WDFY4: variants seen among roughly 807,000 people sequenced by gnomAD.
The protein encoded by WDFY4 is WDFY family member 4.
Under a neutral mutation model 351.9 loss-of-function variants are expected in WDFY4, and 169 were observed. The ratio of observed to expected loss-of-function variants is 0.48; its 90% CI spans 0.42 to 0.55. The LOEUF (loss-of-function observed/expected upper bound fraction) is 0.55. Ranked by LOEUF, WDFY4 falls within the 20% of genes least tolerant of loss-of-function variation. The pLI, the probability that WDFY4 is intolerant of heterozygous loss-of-function variation, is 0.00. For synonymous variants in WDFY4, 1,622 were observed against 1,574.6 expected (o/e 1.03, Z -0.71); for missense variants, 3,803 against 3,935.6 (o/e 0.97, Z 0.90).
chr10:48,923,020 A>G (rs760229239), intron 47 of WDFY4, among the ~76,000 whole-genome samples: 3 of 152,356 alleles, frequency 2.0e-5, no homozygotes, highest in Non-Finnish European at 4.4e-5. Flanking sequence ...CCAAAAAGGC[A>G]ATTTTACTGC....
At chr10:48,741,631 A>G (rs1212098594) in intron 11 of WDFY4, among the ~76,000 whole-genome samples, 1 of 152,096 alleles carries the variant, frequency 6.6e-6, no homozygotes, top group Non-Finnish European at 1.5e-5. Flanking sequence ...TCCACGTATC[A>G]TACTACAGAC....
At chr10:48,817,497 C>A (rs781338825) in intron 32 of WDFY4, 88 bp downstream of exon 32, 88 of 1,401,064 alleles carry the variant, frequency 6.3e-5, no homozygotes, top group East Asian at 1.0e-4. Context: ...TCCCCTCCCC[C>A]CTAAAATTAA....
intron 47 of WDFY4, among the ~76,000 whole-genome samples, chr10:48,939,233 A>G (rs565264590): frequency 1.3e-5 from 2 of 152,332 alleles, no homozygotes; most frequent in Admixed American, 6.5e-5. Context: ...CCAAGAGTAG[A>G]AAAGAATCTC....
At chr10:48,909,401 A>G (rs548401667) in intron 47 of WDFY4, 3 of 152,326 alleles carry the variant, frequency 2.0e-5, no homozygotes, top group African/African-American at 7.2e-5. Context: ...ATTTTTCTAT[A>G]TAACTTTTTG....
In WDFY4 at chr10:48,959,717, T is replaced by C; in HGVS notation, c.8132-5T>C. ...CAAATCTCTGCTGCTTCTCATCCCA[T>C]GCAGGCTGCATGCAGGACGGGACTG... On this transcript the variant is annotated splice_region_variant and splice_polypyrimidine_tract_variant and intron_variant, in intron 52 of 61. Coordinates refer to ENST00000325239, the MANE Select transcript of WDFY4 (RefSeq NM_001394531.1). 6.4e-7 allele frequency: 1 copy of C among 1,551,562 alleles called. No individual in the cohort carries two copies. The highest frequency in any genetic ancestry group is 8.7e-7 in the Non-Finnish European group (1 of 1,146,916).
At chr10:48,980,378 G>C (rs923897413) in intron 60 of WDFY4, among the ~76,000 whole-genome samples, 1 of 152,164 alleles carries the variant, frequency 6.6e-6, no homozygotes, top group African/African-American at 2.4e-5. Flanking sequence ...CTCTTGGCGT[G>C]TATATTACTA....
intron 1 of WDFY4, among the ~76,000 whole-genome samples, chr10:48,699,112 C>T (rs1290227480): frequency 6.6e-6 from 1 of 152,162 alleles, no homozygotes; most frequent in Non-Finnish European, 1.5e-5. Flanking sequence ...CTGGTTTTTG[C>T]CCCAGGGGGA....
chr10:48,874,966 G>A, intron 41 of WDFY4, 123 bp from the exon 42 acceptor site: 1 of 439,812 alleles, frequency 2.3e-6, no homozygotes, highest in Non-Finnish European at 4.0e-6. Flanking sequence ...TTGCATCTGA[G>A]TCTTGCATAA....
At chr10:48,818,858 AG>A (rs1411686093) in intron 32 of WDFY4, among the ~76,000 whole-genome samples, 5 of 152,248 alleles carry the variant, frequency 3.3e-5, no homozygotes, top group African/African-American at 1.2e-4. Context: ...TGCAGGAGAG[AG>A]GTGGGATAGG....
intron 12 of WDFY4, chr10:48,746,232 C>A (rs2065010992): frequency 6.6e-6 from 1 of 152,234 alleles, no homozygotes; most frequent in South Asian, 2.1e-4. Context: ...TGAATTTTCC[C>A]TTACATATAT....
intron 2 of WDFY4, among the ~76,000 whole-genome samples, chr10:48,716,171 T>A (rs970295549): frequency 1.3e-5 from 2 of 152,088 alleles, no homozygotes; most frequent in Non-Finnish European, 2.9e-5. Context: ...TCATGCAAAG[T>A]CTCAGAAATG....
intron 28 of WDFY4, among the ~76,000 whole-genome samples, chr10:48,809,942 C>A (rs1260728940): frequency 1.3e-5 from 2 of 152,228 alleles, no homozygotes; most frequent in Admixed American, 1.3e-4. Context: ...GTGTCTTTGG[C>A]CAACCCATTG....
intron 57 of WDFY4, among the ~76,000 whole-genome samples, chr10:48,970,511 A>G (rs1029787883): frequency 6.6e-6 from 1 of 152,160 alleles, no homozygotes; most frequent in African/African-American, 2.4e-5. Flanking sequence ...TTTTATTCCC[A>G]TGGTGCATTT....
rs1837864952 is a variant in WDFY4 at position 48,910,138 on chromosome 10, C to G, written c.7586+8275C>G. On this transcript the variant is annotated intron_variant, in intron 47 of 61. Transcript: ENST00000325239. ...CCGGCGAGCCTGGTTTCCAGAACAT[C>G]TCACTTGCCACTCTGTCTTCTCCTA... The G allele has an allele frequency of 6.0e-6, 7 of 1,165,828 alleles. 1 individual carries two copies. In the South Asian group the frequency reaches 8.7e-5, roughly 14 times the overall value. 72.2% of individuals were successfully genotyped at this position (1,165,828 alleles called of 1,614,324 possible). A position where few individuals can be genotyped will look rare whatever the true frequency, so the allele number is the denominator to read the frequency against.
At chr10:48,794,867 C>T (rs894990371) in intron 23 of WDFY4, among the ~76,000 whole-genome samples, 1 of 152,180 alleles carries the variant, frequency 6.6e-6, no homozygotes, top group Middle Eastern at 3.4e-3. Flanking sequence ...CTGGCTGATG[C>T]AGGTTGAAAA....
At chr10:48,938,718 G>A (rs1330677442) in intron 47 of WDFY4, among the ~76,000 whole-genome samples, 1 of 152,220 alleles carries the variant, frequency 6.6e-6, no homozygotes. Context: ...GCTCGTCTGG[G>A]GGGGTAAAGG....
chr10:48,824,234 C>A, intron 35 of WDFY4: 2 of 968,586 alleles, frequency 2.1e-6, no homozygotes, highest in Non-Finnish European at 2.5e-6. Flanking sequence ...TGCTGAACCA[C>A]CCAGCCTCTC....
chr10:48,709,827 C>T lies in WDFY4; in HGVS notation c.95C>T (p.Pro32Leu). 3.2e-6 allele frequency: 5 copies of T among 1,551,874 alleles called. No homozygotes were observed. The highest frequency in any genetic ancestry group is 4.4e-6 in the Non-Finnish European group (5 of 1,147,022). Residue 32 changes from proline (P) to leucine (L), a missense_variant, in exon 2 of 62, where the codon CCA becomes CTA. Around this residue, in one of 3 missense-constraint regions of WDFY4, gnomAD observed 488 missense variants for 456.8 expected, o/e 1.07. Coordinates refer to ENST00000325239, the MANE Select transcript of WDFY4 (RefSeq NM_001394531.1). ...CTTGCTGCTGTGCAGCCTGATGTCCCACATGGAGGGCAGTCCTCCAGCCCC... is the reference window on the plus strand; with the variant it reads ...CTTGCTGCTGTGCAGCCTGATGTCCTACATGGAGGGCAGTCCTCCAGCCCC... ...GQLAAVQPDV[P>L]HGGQSSSPTA...
intron 13 of WDFY4, among the ~76,000 whole-genome samples, chr10:48,769,029 A>G (rs569911480): frequency 6.6e-6 from 1 of 152,296 alleles, no homozygotes; most frequent in East Asian, 1.9e-4. Context: ...AGAGAGAAAT[A>G]TGCTGTAGAT....
Sources: allele counts gnomAD v4.1 joint callset (sites outside exome capture counted in the v4.1 genomes callset), GRCh38; gene constraint gnomAD v4.1.1; regional missense constraint gnomAD v4.1.1; transcripts MANE v1.5; gene names NCBI Gene and HGNC (gene_info 2026-07-23, HGNC 2026-07-21).